IFI35: variants seen among roughly 807,000 people sequenced by gnomAD.
IFI35 encodes interferon induced protein 35, also known as interferon-induced 35 kDa protein.
A neutral mutation model predicts 28.6 loss-of-function variants in IFI35; 30 were observed. That is an observed-to-expected ratio of 1.05 (90% CI 0.79 to 1.43). The LOEUF is 1.43. Among genes scored for constraint, IFI35 ranks in the 40% most tolerant of loss-of-function variants. The pLI is 0.00. For synonymous variants in IFI35, 146 were observed against 154.8 expected (o/e 0.94, Z 0.42); for missense variants, 372 against 356.9 (o/e 1.04, Z -0.34).
intron 6 of IFI35, 87 bp from the exon 7 acceptor site, chr17:43,014,021 C>T (rs2050495607): frequency 2.1e-6 from 3 of 1,410,960 alleles, no homozygotes; most frequent in Admixed American, 3.7e-5. Flanking sequence ...CTCCCGACCT[C>T]ATACCCCCAT....
At position 43,013,614 on chromosome 17, in the gene IFI35, C is replaced by A. The variant is rs369228705; in HGVS notation, c.514C>A (p.Arg172=). Residue 172 remains arginine, a synonymous_variant, in exon 5 of 7, where the codon CGG becomes AGG. Coordinates refer to ENST00000415816, the MANE Select transcript of IFI35 (RefSeq NM_001330230.2). ...TRNGGGDVDV[R]ELLPGSVMLG... ...GAACGGAGGTGGCGATGTGGACGTT[C>A]GGGAGCTACTGCCAGGGAGTGTCAT... 5 of 1,614,048 alleles carry A rather than the reference C, an allele frequency of 3.1e-6. No homozygotes were observed. Among genetic ancestry groups the A allele is most frequent in the Non-Finnish European group, 4.2e-6 (5 of 1,179,994 alleles).
Position 43,013,593 on chromosome 17 carries a change from G to A in IFI35, c.493G>A (p.Gly165Arg), listed in dbSNP as rs202144105. Residue 165 changes from glycine (G) to arginine (R), a missense_variant, in exon 5 of 7, where the codon GGA (glycine) becomes AGA (arginine). Transcript: ENST00000415816. ...LEIFFGKTRNGGGDVDVRELL... is the reference protein window; with the variant it reads ...LEIFFGKTRNRGGDVDVRELL... ...GATCTTCTTTGGCAAGACTAGGAAC[G>A]GAGGTGGCGATGTGGACGTTCGGGA... 533 of 1,614,160 alleles carry A rather than the reference G, an allele frequency of 3.3e-4. 7 individuals carry two copies. The highest frequency in any genetic ancestry group is 3.0e-3 in the South Asian group (271 of 91,086).
rs924849210 is a variant in IFI35, at chr17:43,006,787, A to G, written c.-161A>G. On this transcript the variant is annotated 5_prime_UTR_variant, in exon 1 of 7. Coordinates refer to ENST00000415816, the MANE Select transcript of IFI35 (RefSeq NM_001330230.2). The stretch of plus-strand genomic sequence containing the variant: ...TTCACGGAAATGAAAGTGGAAGCAA[A>G]CAGCCTGCGAGCAGAGCCTCCTGAG... The G allele has an allele frequency of 1.5e-6, 1 of 678,122 alleles. No individual in the cohort carries two copies. Among genetic ancestry groups the G allele is most frequent in the Non-Finnish European group, 2.7e-6 (1 of 374,726 alleles). 42.0% of individuals were successfully genotyped at this position (678,122 alleles called of 1,614,324 possible). A position where few individuals can be genotyped will look rare whatever the true frequency, so the allele number is the denominator to read the frequency against.
rs763054365 is a variant in IFI35 at position 43,012,179 on chromosome 17, G to A, written c.22G>A (p.Ala8Thr). Residue 8 changes from alanine (A) to threonine (T), a missense_variant and splice_region_variant, in exon 2 of 7, where the codon GCC (alanine) becomes ACC (threonine). Transcript: ENST00000415816. ...TTGTTGTTTCCTTCTGCCCCAACAG[G>A]CCCTCCACGCCCTTCAGGAGGAGCA... MSAPLDAALHALQEEQAR... is the reference protein window; with the variant it reads MSAPLDATLHALQEEQAR... 3.2e-6 allele frequency: 5 copies of A among 1,557,484 alleles called. No homozygotes were observed. The highest frequency in any genetic ancestry group is 2.4e-5 in the East Asian group (1 of 41,884).
chr17:43,013,989 C>A (rs2050495171), intron 6 of IFI35, 107 bp downstream of exon 6: 4 of 1,281,406 alleles, frequency 3.1e-6, no homozygotes, highest in Non-Finnish European at 4.4e-6. Context: ...GACCTACCTA[C>A]CCACCATCAG....
rs375230983 is a variant in IFI35, at chr17:43,008,546, T to C, written c.21+1578T>C. 1.3e-3 allele frequency among the ~76,000 whole-genome samples: 138 copies of C among 106,402 alleles called. 1 individual carries two copies. The highest frequency in any genetic ancestry group is 9.3e-3 in the Middle Eastern group (1 of 108). 69.8% of individuals were successfully genotyped at this position (106,402 alleles called of 152,430 possible). On this transcript the variant is annotated intron_variant, in intron 1 of 6. Transcript: ENST00000415816. ...TTTTTTTTTTTTTTTTTTTTTGAGA[T>C]GGAGTCTCGCTCTGTCACCCAGGCT...
chr17:43,014,324 AC>A lies in IFI35; in HGVS notation c.*32del, dbSNP rs752251565. 2.3e-5 allele frequency: 34 copies of A among 1,480,932 alleles called. No homozygotes were observed. The highest frequency in any genetic ancestry group is 4.1e-5 in the South Asian group (3 of 73,260). The allele number at this position is 1,480,932 out of a possible 1,614,324, so 91.7% of individuals were successfully genotyped here. On this transcript the variant is annotated 3_prime_UTR_variant, in exon 7 of 7. Coordinates refer to ENST00000415816, the MANE Select transcript of IFI35 (RefSeq NM_001330230.2). ...GGGGCCTCCCCTTCTCATCCTCCCC[AC>A]CCCCCCGCCAAGGTTCTCACACTGG...
rs998516333 is a variant in IFI35, at chr17:43,013,875, A to C, written c.662A>C (p.Lys221Thr). Reference protein sequence around the residue: ...VSPYVNGEIQKAEIRSQPVPR... With the variant: ...VSPYVNGEIQTAEIRSQPVPR... The stretch of plus-strand genomic sequence containing the variant: ...CCGTATGTGAACGGGGAGATCCAGA[A>C]GGCTGAGGTAAGCAGGAGGGGTGAA... Residue 221 changes from lysine (K) to threonine (T), a missense_variant, in exon 6 of 7, where the codon AAG (lysine) becomes ACG (threonine). By Grantham distance (78) the Lys-to-Thr change is moderately conservative. Coordinates refer to ENST00000415816, the MANE Select transcript of IFI35 (RefSeq NM_001330230.2). 1 of 1,591,172 alleles carries C rather than the reference A, an allele frequency of 6.3e-7. No homozygotes were observed. The highest frequency in any genetic ancestry group is 1.1e-5 in the South Asian group (1 of 89,100).
At position 43,013,757 on chromosome 17, in the gene IFI35, C is replaced by T; in HGVS notation, c.563-19C>T. Reference sequence around the variant, plus strand: ...AGAGGGCTTGATGCTAAAGGCCCACCCCTCCTTGCTCCCCACAGTGGCTCA... The same window carrying T: ...AGAGGGCTTGATGCTAAAGGCCCACTCCTCCTTGCTCCCCACAGTGGCTCA... On this transcript the variant is annotated intron_variant, in intron 5 of 6. Coordinates refer to ENST00000415816, the MANE Select transcript of IFI35 (RefSeq NM_001330230.2). The T allele has an allele frequency of 6.2e-7, 1 of 1,611,376 alleles. No homozygotes were observed. Among genetic ancestry groups the T allele is most frequent in the Non-Finnish European group, 8.5e-7 (1 of 1,178,192 alleles).
Position 43,007,307 on chromosome 17 carries a change from G to A in IFI35, c.21+339G>A, listed in dbSNP as rs1375878114. 2.0e-5 allele frequency among the ~76,000 whole-genome samples: 3 copies of A among 152,004 alleles called. No individual in the cohort carries two copies. The East Asian group carries it at 5.8e-4, about 29-fold the overall frequency. On this transcript the variant is annotated intron_variant, in intron 1 of 6. Transcript: ENST00000415816. ...CACGCCTGTCATCCTAGCACTTTGG[G>A]AGGCCTTGGCAATACAGTGAAAATC...
Position 43,013,937 on chromosome 17 carries a change from A to G in IFI35, c.669+55A>G, listed in dbSNP as rs927995452. 13 of 1,404,106 alleles carry G rather than the reference A, an allele frequency of 9.3e-6. No homozygotes were observed. The African/African-American group carries it at 1.9e-4, about 20-fold the overall frequency. 87.0% of individuals were successfully genotyped at this position (1,404,106 alleles called of 1,614,324 possible). Reference sequence around the variant, plus strand: ...GGGCTGGGTAACCTGTCTGCCTGCCAGGAACTTGCCCAATGAAGGATCAGA... The same window carrying G: ...GGGCTGGGTAACCTGTCTGCCTGCCGGGAACTTGCCCAATGAAGGATCAGA... On this transcript the variant is annotated intron_variant, in intron 6 of 6. Coordinates refer to ENST00000415816, the MANE Select transcript of IFI35 (RefSeq NM_001330230.2).
chr17:43,013,615 G>A lies in IFI35; in HGVS notation c.515G>A (p.Arg172Gln), dbSNP rs150695787. The A allele has an allele frequency of 7.8e-3, 12,527 of 1,614,110 alleles. 95 individuals are homozygous for A. The highest frequency in any genetic ancestry group is 0.024 in the Middle Eastern group (148 of 6,062). ...AACGGAGGTGGCGATGTGGACGTTC[G>A]GGAGCTACTGCCAGGGAGTGTCATG... ...TRNGGGDVDV[R>Q]ELLPGSVMLG... The change falls in exon 5 of 7, where the codon CGG (arginine) becomes CAG (glutamine). Residue 172 changes from arginine to glutamine, a missense_variant. Coordinates refer to ENST00000415816, the MANE Select transcript of IFI35 (RefSeq NM_001330230.2).
intron 1 of IFI35, 141 bp downstream of exon 1, chr17:43,007,109 G>A (rs1304682604): frequency 2.5e-5 from 23 of 919,600 alleles, no homozygotes; most frequent in Non-Finnish European, 4.1e-5. Flanking sequence ...AGAAACACAG[G>A]GCTGGGGTTG....
chr17:43,012,066 G>T, intron 1 of IFI35, 113 bp from the exon 2 acceptor site: 1 of 716,554 alleles, frequency 1.4e-6, no homozygotes. Flanking sequence ...TTGTTCTTGA[G>T]CTTAGCATCA....
Position 43,013,778 on chromosome 17 carries a change from G to C in IFI35, c.565G>C (p.Ala189Pro). The change falls in exon 6 of 7, where the codon GCT becomes CCT. Residue 189 changes from alanine to proline, a missense_variant and splice_region_variant. Physicochemically the swap from Ala to Pro is conservative, Grantham distance 27. Coordinates refer to ENST00000415816, the MANE Select transcript of IFI35 (RefSeq NM_001330230.2). Reference sequence around the variant, plus strand: ...CCACCCCTCCTTGCTCCCCACAGTGGCTCAGCGTCTGTGCCAAATCGGCCA... The same window carrying C: ...CCACCCCTCCTTGCTCCCCACAGTGCCTCAGCGTCTGTGCCAAATCGGCCA... ...VMLGFARDGV[A>P]QRLCQIGQFT... is the part of the protein sequence containing the mutation. 1 of 1,613,452 alleles carries C rather than the reference G, an allele frequency of 6.2e-7. No homozygotes were observed. The highest frequency in any genetic ancestry group is 1.1e-5 in the South Asian group (1 of 91,080).
At chr17:43,007,872 T>TATATATATATATATATATATATATAC (rs1491453151) in intron 1 of IFI35, among the ~76,000 whole-genome samples, 11 of 136,586 alleles carry the variant, frequency 8.1e-5, no homozygotes, top group African/African-American at 3.0e-4. Flanking sequence ...TATATATATA[T>TATATATATATATATATATATATATAC]ACTATAAGAA....
At chr17:43,007,503 TAAA>T (rs777529685) in intron 1 of IFI35, among the ~76,000 whole-genome samples, 4 of 108,538 alleles carry the variant, frequency 3.7e-5, no homozygotes, top group African/African-American at 3.6e-5. Context: ...AGACTCTGTC[TAAA>T]AAAAAAAAAA....
Position 43,006,860 on chromosome 17 carries a change from G to A in IFI35, c.-88G>A, listed in dbSNP as rs1370632552. 3 of 1,425,290 alleles carry A rather than the reference G, an allele frequency of 2.1e-6. No homozygotes were observed. Among genetic ancestry groups the A allele is most frequent in the Non-Finnish European group, 3.0e-6 (3 of 1,008,684 alleles). 88.3% of individuals were successfully genotyped at this position (1,425,290 alleles called of 1,614,324 possible). ...GCTGAGAGAGACCACAGCCCTTTGG[G>A]GGGTACAAACAAGAGTTCAGTTGCT... On this transcript the variant is annotated 5_prime_UTR_variant, in exon 1 of 7. Transcript: ENST00000415816.
chr17:43,013,684 T>C, intron 5 of IFI35, 22 bp downstream of exon 5: 1 of 1,611,646 alleles, frequency 6.2e-7, no homozygotes, highest in East Asian at 2.2e-5. Flanking sequence ...GCAGGCCTCC[T>C]GCAGGGGAGA....
Sources: gnomAD v4.1 joint callset for allele counts (sites outside exome capture counted in the v4.1 genomes callset) on GRCh38, gnomAD v4.1.1 for gene constraint, MANE v1.5 for transcripts, NCBI Gene and HGNC (gene_info 2026-07-23, HGNC 2026-07-21) for gene names.